The following TEX14 variants were observed in gnomAD, a reference collection of about 807,000 sequenced individuals.
The protein encoded by TEX14 is inactive serine/threonine-protein kinase TEX14.
Under a neutral mutation model 178.6 loss-of-function variants are expected in TEX14, and 168 were observed. The ratio of observed to expected loss-of-function variants is 0.94; its 90% CI spans 0.83 to 1.07. The LOEUF is 1.07. Ranked by LOEUF, TEX14 falls within the 50% of genes least tolerant of loss-of-function variation. TEX14 has a pLI of 0.00. For missense variants in TEX14, 1,730 were observed against 1,753.6 expected (o/e 0.99, Z 0.24); for synonymous variants, 626 against 634.1 (o/e 0.99, Z 0.19).
At chr17:58,638,967 C>T (rs1312180277) in intron 2 of TEX14, among the ~76,000 whole-genome samples, 2 of 150,032 alleles carry the variant, frequency 1.3e-5, no homozygotes, top group African/African-American at 4.9e-5. Context: ...AGGTTCACGC[C>T]ATTCTCCTGC....
chr17:58,636,688 G>A (rs2046439621), intron 2 of TEX14, among the ~76,000 whole-genome samples: 1 of 152,158 alleles, frequency 6.6e-6, no homozygotes, highest in Admixed American at 6.5e-5. Context: ...AGCACTTTGG[G>A]AGGCACCCGA....
chr17:58,677,119 C>CAAA (rs35953337), intron 1 of TEX14, among the ~76,000 whole-genome samples: 3 of 78,600 alleles, frequency 3.8e-5, no homozygotes, highest in African/African-American at 4.7e-5. Flanking sequence ...AACTCCGTCT[C>CAAA]AAAAAAAAAA....
At position 58,599,212 on chromosome 17, in the gene TEX14, T is replaced by TCAG; in HGVS notation, c.2132_2133insCTG (p.Glu711delinsAspTer). 6.2e-7 allele frequency: 1 copy of TCAG among 1,614,126 alleles called. No individual in the cohort carries two copies. Among genetic ancestry groups the TCAG allele is most frequent in the Non-Finnish European group, 8.5e-7 (1 of 1,180,034 alleles). On this transcript the variant is annotated stop_gained and protein_altering_variant, in exon 14 of 32. Transcript: ENST00000349033. LOFTEE classifies it high-confidence loss of function. ...ACATGTTGTTCAAATTGCTCTTGGC[T>TCAG]TCTCTGGTTGACTCAGGAAGGCTGA...
chr17:58,649,381 T>C (rs1242564435), intron 2 of TEX14, among the ~76,000 whole-genome samples: 1 of 152,076 alleles, frequency 6.6e-6, no homozygotes, highest in East Asian at 1.9e-4. Flanking sequence ...CACCTGGCCC[T>C]GTGAATACTT....
chr17:58,658,085 A>G (rs1057072036), intron 1 of TEX14, among the ~76,000 whole-genome samples: 1 of 152,136 alleles, frequency 6.6e-6, no homozygotes, highest in African/African-American at 2.4e-5. Flanking sequence ...TCCCTGACCA[A>G]TTAGCACTCC....
At chr17:58,633,967 C>T (rs1450451652) in intron 2 of TEX14, among the ~76,000 whole-genome samples, 7 of 119,474 alleles carry the variant, frequency 5.9e-5, no homozygotes, top group East Asian at 2.2e-4. Flanking sequence ...ACTCTGTCTC[C>T]GAAAAAAAAA....
chr17:58,616,215 T>C lies in TEX14; in HGVS notation c.727A>G (p.Thr243Ala), dbSNP rs767131349. ...TAGGGGCCGCTGAAGAAAGAGAAGG[T>C]GGGCTCATCATCAGCTTGAATCACT... ...KEVIQADDEP[T>A]FSFFSGPYMV... The change falls in exon 7 of 32, where the codon ACC becomes GCC. Residue 243 changes from threonine to alanine, a missense_variant. Physicochemically the swap from Thr to Ala is moderately conservative, Grantham distance 58 (BLOSUM62 0). Around this residue, in one of 2 missense-constraint regions of TEX14, gnomAD observed 789 missense variants for 681.2 expected, o/e 1.16. Transcript: ENST00000349033. 3.1e-6 allele frequency: 5 copies of C among 1,613,806 alleles called. No homozygotes were observed. In the African/African-American group the frequency reaches 4.0e-5, roughly 13 times the overall value.
intron 3 of TEX14, among the ~76,000 whole-genome samples, chr17:58,624,098 G>A (rs1361345735): frequency 1.3e-5 from 2 of 151,964 alleles, no homozygotes; most frequent in Non-Finnish European, 2.9e-5. Context: ...CCTGGCTAAC[G>A]CGGTGAAACC....
At chr17:58,576,094 A>G (rs2044668518) in intron 21 of TEX14, among the ~76,000 whole-genome samples, 1 of 152,254 alleles carries the variant, frequency 6.6e-6, no homozygotes, top group Admixed American at 6.5e-5. Flanking sequence ...AGAGAATAAA[A>G]TAAATTGAAT....
intron 2 of TEX14, chr17:58,648,029 A>C (rs1042064399): frequency 2.6e-5 from 4 of 152,386 alleles, no homozygotes; most frequent in Non-Finnish European, 4.4e-5. Context: ...TCCGCACTGC[A>C]GGATGCAGCA....
intron 10 of TEX14, among the ~76,000 whole-genome samples, chr17:58,606,794 G>A (rs933144342): frequency 7.3e-5 from 11 of 151,438 alleles, no homozygotes; most frequent in African/African-American, 1.9e-4. Context: ...TTAGGAGGCC[G>A]AGGCGGGTGG....
intron 2 of TEX14, among the ~76,000 whole-genome samples, chr17:58,643,947 C>T (rs574750533): frequency 1.3e-4 from 20 of 149,046 alleles, no homozygotes; most frequent in Non-Finnish European, 2.4e-4. Context: ...TTCTCCCCCG[C>T]CCCCCCCAAA....
chr17:58,591,743 T>G (rs954319302), intron 15 of TEX14, among the ~76,000 whole-genome samples: 4 of 150,568 alleles, frequency 2.7e-5, no homozygotes, highest in African/African-American at 9.7e-5. Context: ...AAACTAAAAC[T>G]GATATACTAG....
At chr17:58,605,917 A>T (rs568136153) in intron 10 of TEX14, among the ~76,000 whole-genome samples, 2 of 152,270 alleles carry the variant, frequency 1.3e-5, no homozygotes, top group African/African-American at 4.8e-5. Context: ...ATCTGCTTTT[A>T]TATCACTGTA....
At chr17:58,621,133 A>G (rs935940054) in intron 5 of TEX14, among the ~76,000 whole-genome samples, 2 of 152,216 alleles carry the variant, frequency 1.3e-5, no homozygotes, top group African/African-American at 2.4e-5. Flanking sequence ...AACCCTGAGC[A>G]TGGAGAAAAG....
At chr17:58,686,183 A>T (rs920008470) in intron 1 of TEX14, among the ~76,000 whole-genome samples, 4 of 152,030 alleles carry the variant, frequency 2.6e-5, no homozygotes, top group Non-Finnish European at 5.9e-5. Context: ...AAAAATTTTT[A>T]AAAATTAGCT....
chr17:58,650,433 A>T (rs1157828365), intron 2 of TEX14, among the ~76,000 whole-genome samples: 1 of 152,152 alleles, frequency 6.6e-6, no homozygotes, highest in East Asian at 1.9e-4. Flanking sequence ...TTGAGGGGAA[A>T]AAAAAACCCA....
chr17:58,587,033 C>T (rs766753978), intron 17 of TEX14, among the ~76,000 whole-genome samples: 14 of 152,156 alleles, frequency 9.2e-5, no homozygotes, highest in Admixed American at 1.3e-4. Flanking sequence ...CAGGTAATTA[C>T]TTATCTTACT....
chr17:58,623,760 G>A (rs535363962), intron 3 of TEX14, among the ~76,000 whole-genome samples: 3 of 141,124 alleles, frequency 2.1e-5, no homozygotes, highest in African/African-American at 7.8e-5. Flanking sequence ...AAGAAAGAAG[G>A]AGAAGAAGGA....
Sources: gnomAD v4.1 joint callset for allele counts (sites outside exome capture counted in the v4.1 genomes callset) on GRCh38, gnomAD v4.1.1 for gene constraint, gnomAD v4.1.1 regional missense constraint, MANE v1.5 for transcripts, NCBI Gene and HGNC (gene_info 2026-07-23, HGNC 2026-07-21) for gene names.